The following ZMAT4 variants were observed in gnomAD, a reference collection of about 807,000 sequenced individuals.
ZMAT4 encodes zinc finger matrin-type protein 4.
ZMAT4 carries 17 observed loss-of-function variants against 28.7 expected under a neutral mutation model. The ratio of observed to expected loss-of-function variants is 0.59; its 90% CI spans 0.41 to 0.89. The LOEUF (loss-of-function observed/expected upper bound fraction) is 0.89. Ranked by LOEUF, ZMAT4 falls within the 40% of genes least tolerant of loss-of-function variation. The probability of loss-of-function intolerance (pLI) is 0.00; values close to 1 mark genes in which losing one functional copy is unlikely to be tolerated. For synonymous variants in ZMAT4, 117 were observed against 109.2 expected (o/e 1.07, Z -0.44); for missense variants, 240 against 283.8 (o/e 0.85, Z 1.11).
intron 6 of ZMAT4, among the ~76,000 whole-genome samples, chr8:40,567,607 G>A (rs1304018423): frequency 1.3e-5 from 2 of 151,678 alleles, no homozygotes; most frequent in African/African-American, 2.4e-5. Context: ...GCTGAGGCAG[G>A]GGAATCACTT....
At chr8:40,841,867 G>A (rs558250815) in intron 1 of ZMAT4, among the ~76,000 whole-genome samples, 87 of 152,292 alleles carry the variant, frequency 5.7e-4, no homozygotes, top group Non-Finnish European at 1.0e-3. Flanking sequence ...GAAGAGTCCA[G>A]AGGGTGGTCC....
chr8:40,545,121 C>T (rs1313619218), intron 6 of ZMAT4, among the ~76,000 whole-genome samples: 1 of 152,074 alleles, frequency 6.6e-6, no homozygotes, highest in Admixed American at 6.6e-5. Context: ...AACTGAGACC[C>T]TCATTCCAAC....
intron 2 of ZMAT4, among the ~76,000 whole-genome samples, chr8:40,779,380 G>A (rs761715811): frequency 1.3e-5 from 2 of 151,908 alleles, no homozygotes; most frequent in Admixed American, 6.6e-5. Context: ...ACCAAGAAAC[G>A]CCCAGAGCTC....
intron 1 of ZMAT4, among the ~76,000 whole-genome samples, chr8:40,864,186 C>A (rs1351062815): frequency 6.6e-6 from 1 of 152,182 alleles, no homozygotes; most frequent in East Asian, 1.9e-4. Context: ...CATCTTGGAG[C>A]AGAAAGAAAG....
chr8:40,657,661 A>T (rs1460583476), intron 5 of ZMAT4, among the ~76,000 whole-genome samples: 4 of 152,170 alleles, frequency 2.6e-5, no homozygotes, highest in African/African-American at 9.7e-5. Flanking sequence ...TGTTGTCAAT[A>T]TGTTCTTAGA....
At chr8:40,808,959 C>T (rs1187603726) in intron 2 of ZMAT4, among the ~76,000 whole-genome samples, 5 of 151,840 alleles carry the variant, frequency 3.3e-5, no homozygotes, top group Non-Finnish European at 4.4e-5. Context: ...TGGGTATATA[C>T]CCAGTACTAG....
chr8:40,690,843 C>A (rs1269035725), intron 4 of ZMAT4: 2 of 933,442 alleles, frequency 2.1e-6, no homozygotes, highest in African/African-American at 1.8e-5. Flanking sequence ...AGAAGAGAAC[C>A]AATAAGATTT....
chr8:40,696,306 G>A (rs1297883539), intron 4 of ZMAT4, among the ~76,000 whole-genome samples: 1 of 152,124 alleles, frequency 6.6e-6, no homozygotes, highest in East Asian at 1.9e-4. Context: ...AAGGATAAAA[G>A]CCAAGCATTG....
intron 1 of ZMAT4, among the ~76,000 whole-genome samples, chr8:40,889,957 C>T (rs1282373432): frequency 6.6e-6 from 1 of 152,190 alleles, no homozygotes; most frequent in Non-Finnish European, 1.5e-5. Flanking sequence ...TATCCACCAG[C>T]TAAGTCTAAA....
intron 1 of ZMAT4, among the ~76,000 whole-genome samples, chr8:40,835,846 C>A (rs139151182): frequency 8.5e-4 from 129 of 152,334 alleles, no homozygotes; most frequent in African/African-American, 3.0e-3. Flanking sequence ...TTCTCCTCTA[C>A]CGCATATTAA....
intron 6 of ZMAT4, among the ~76,000 whole-genome samples, chr8:40,548,960 C>G (rs1474140017): frequency 1.3e-5 from 2 of 152,134 alleles, no homozygotes; most frequent in African/African-American, 4.8e-5. Flanking sequence ...GTCTAAATGT[C>G]TGTACTCCCA....
intron 5 of ZMAT4, among the ~76,000 whole-genome samples, chr8:40,647,727 C>T (rs1021371034): frequency 4.6e-5 from 7 of 152,184 alleles, no homozygotes; most frequent in Non-Finnish European, 8.8e-5. Flanking sequence ...AGCTGGAGAT[C>T]TGAGAACGGA....
intron 5 of ZMAT4, among the ~76,000 whole-genome samples, chr8:40,640,290 T>G (rs895460276): frequency 3.3e-5 from 5 of 152,194 alleles, no homozygotes; most frequent in Admixed American, 6.5e-5. Context: ...TATATCTGTC[T>G]TAATGTTCTG....
chr8:40,701,676 C>A (rs1044960921), intron 3 of ZMAT4, among the ~76,000 whole-genome samples: 2 of 151,786 alleles, frequency 1.3e-5, no homozygotes, highest in Non-Finnish European at 2.9e-5. Context: ...CACCCTATGC[C>A]TGGCTAATTT....
chr8:40,629,187 A>G (rs1371501558), intron 5 of ZMAT4, among the ~76,000 whole-genome samples: 2 of 151,300 alleles, frequency 1.3e-5, no homozygotes, highest in African/African-American at 2.4e-5. Flanking sequence ...AGTCCCTTAC[A>G]TGTATTTAGT....
intron 5 of ZMAT4, among the ~76,000 whole-genome samples, chr8:40,589,979 T>TCCTTCCTTCTTCCCTCCCTCCCTC (rs1563354215): frequency 5.4e-5 from 3 of 55,514 alleles, no homozygotes; most frequent in African/African-American, 1.9e-4. Context: ...CTCCCTTCCT[T>TCCTTCCTTCTTCCCTCCCTCCCTC]CCTTCCTTCC....
intron 4 of ZMAT4, among the ~76,000 whole-genome samples, chr8:40,689,804 T>C (rs1222283871): frequency 1.3e-5 from 2 of 152,104 alleles, no homozygotes; most frequent in Non-Finnish European, 2.9e-5. Flanking sequence ...ATTATTTTAT[T>C]GTTCTACTAT....
At chr8:40,776,844 A>C (rs948235328) in intron 2 of ZMAT4, among the ~76,000 whole-genome samples, 23 of 142,498 alleles carry the variant, frequency 1.6e-4, no homozygotes, top group Non-Finnish European at 3.0e-4. Context: ...TTGTGGCTGG[A>C]CTAAGAACCT....
chr8:40,653,939 G>A (rs975561423), intron 5 of ZMAT4, among the ~76,000 whole-genome samples: 1 of 152,178 alleles, frequency 6.6e-6, no homozygotes, highest in South Asian at 2.1e-4. Context: ...ATGAGCCAAA[G>A]ATGGCCCCTG....
Sources: allele counts gnomAD v4.1 joint callset (sites outside exome capture counted in the v4.1 genomes callset), GRCh38; gene constraint gnomAD v4.1.1; transcripts MANE v1.5; gene names NCBI Gene and HGNC (gene_info 2026-07-23, HGNC 2026-07-21).